SLC4A4: variants seen among roughly 807,000 people sequenced by gnomAD.
The protein encoded by SLC4A4 is electrogenic sodium bicarbonate cotransporter 1.
A neutral mutation model predicts 111.5 loss-of-function variants in SLC4A4; 27 were observed. The ratio of observed to expected loss-of-function variants is 0.24; its 90% CI spans 0.18 to 0.33. The LOEUF (loss-of-function observed/expected upper bound fraction) is 0.33, where lower values mean the gene tolerates loss of function less well. Ranked by LOEUF, SLC4A4 falls within the 10% of genes least tolerant of loss-of-function variation. The pLI is 1.00. For synonymous variants in SLC4A4, 443 were observed against 463.4 expected (o/e 0.96, Z 0.57); for missense variants, 909 against 1,315.5 (o/e 0.69, Z 4.78).
intron 1 of SLC4A4, among the ~76,000 whole-genome samples, chr4:71,233,048 G>C (rs373493265): frequency 6.6e-6 from 1 of 152,232 alleles, no homozygotes; most frequent in East Asian, 1.9e-4. Context: ...TCATTAAACT[G>C]TCATCCTTAT....
chr4:71,557,052 A>G (rs1314534864), intron 21 of SLC4A4, among the ~76,000 whole-genome samples: 2 of 151,916 alleles, frequency 1.3e-5, no homozygotes, highest in African/African-American at 4.8e-5. Flanking sequence ...ATAGCTGTTT[A>G]TACATCACCA....
At chr4:71,350,223 T>C in intron 5 of SLC4A4, 151 bp downstream of exon 5, 1 of 786,816 alleles carries the variant, frequency 1.3e-6, no homozygotes, top group Non-Finnish European at 2.0e-6. Context: ...TATGATTTAT[T>C]GCAAGAAAAT....
chr4:71,385,048 A>G (rs1662469869), intron 6 of SLC4A4, among the ~76,000 whole-genome samples: 1 of 151,366 alleles, frequency 6.6e-6, no homozygotes, highest in African/African-American at 2.4e-5. Context: ...TTTAAAAAGT[A>G]GAAAAGAAAA....
intron 7 of SLC4A4, among the ~76,000 whole-genome samples, chr4:71,416,677 T>C (rs1721851903): frequency 6.6e-6 from 1 of 151,962 alleles, no homozygotes; most frequent in Non-Finnish European, 1.5e-5. Context: ...AGATGATTGA[T>C]TTAAAACATT....
At chr4:71,546,674 A>C in intron 19 of SLC4A4, 146 bp downstream of exon 19, 1 of 748,308 alleles carries the variant, frequency 1.3e-6, no homozygotes, top group Non-Finnish European at 2.3e-6. Flanking sequence ...AAAGGACTAA[A>C]TTTTCATCAG....
chr4:71,456,946 A>G (rs1726325134), intron 12 of SLC4A4, among the ~76,000 whole-genome samples: 1 of 152,186 alleles, frequency 6.6e-6, no homozygotes, highest in African/African-American at 2.4e-5. Flanking sequence ...GGTTATTCAC[A>G]AAAGCACAGG....
chr4:71,402,162 C>T lies in SLC4A4; in HGVS notation c.807+4509C>T, dbSNP rs538489292. ...TTTAAATATTTTGTCAGAAAGTATG[C>T]GGATGAAACCATTAACCATGTATAA... On this transcript the variant is annotated intron_variant, in intron 7 of 25. Transcript: ENST00000264485. Among the ~76,000 whole-genome samples, 22 of 152,206 alleles carry T rather than the reference C, an allele frequency of 1.4e-4. No individual in the cohort carries two copies. The South Asian group carries it at 2.1e-3, about 14-fold the overall frequency.
At chr4:71,170,846 C>T (rs1199930686) in intron 2 of SLC4A4, among the ~76,000 whole-genome samples, 2 of 151,936 alleles carry the variant, frequency 1.3e-5, no homozygotes, top group Admixed American at 1.3e-4. Flanking sequence ...ATTGATTAGG[C>T]CAACATTTAA....
intron 3 of SLC4A4, among the ~76,000 whole-genome samples, chr4:71,264,519 C>G (rs958733482): frequency 2.0e-5 from 3 of 152,188 alleles, no homozygotes; most frequent in African/African-American, 7.2e-5. Context: ...TGTGGGCTGT[C>G]TAGCTAGCTG....
intron 16 of SLC4A4, among the ~76,000 whole-genome samples, chr4:71,499,378 T>C (rs1730701288): frequency 6.6e-6 from 1 of 152,210 alleles, no homozygotes; most frequent in Non-Finnish European, 1.5e-5. Flanking sequence ...CATATGTATA[T>C]GTTGTGGAAT....
rs185025230 is a variant in SLC4A4 at position 71,348,914 on chromosome 4, T to C, written c.390-998T>C. On this transcript the variant is annotated intron_variant, in intron 4 of 25. Coordinates refer to ENST00000264485, the MANE Select transcript of SLC4A4 (RefSeq NM_001098484.3). ...AATCATTAAGCCTTTGGGTGAAGAATGTAGAAAAACAATTTTTATTCCATC... is the reference window on the plus strand; with the variant it reads ...AATCATTAAGCCTTTGGGTGAAGAACGTAGAAAAACAATTTTTATTCCATC... 2.6e-5 allele frequency among the ~76,000 whole-genome samples: 4 copies of C among 152,320 alleles called. No homozygotes were observed. The East Asian group carries it at 7.7e-4, about 29-fold the overall frequency.
At chr4:71,107,392 G>T (rs186155100) in intron 2 of SLC4A4, among the ~76,000 whole-genome samples, 1 of 152,044 alleles carries the variant, frequency 6.6e-6, no homozygotes, top group African/African-American at 2.4e-5. Context: ...TGTCAACCAG[G>T]CTGGAGTGCA....
At chr4:71,309,765 T>C (rs1725988552) in intron 3 of SLC4A4, among the ~76,000 whole-genome samples, 1 of 152,074 alleles carries the variant, frequency 6.6e-6, no homozygotes, top group Non-Finnish European at 1.5e-5. Context: ...AAAACCAGAA[T>C]GCCTCTTCTC....
At chr4:71,314,568 C>A (rs1035521797) in intron 3 of SLC4A4, among the ~76,000 whole-genome samples, 4 of 152,166 alleles carry the variant, frequency 2.6e-5, no homozygotes, top group African/African-American at 9.7e-5. Context: ...ACATATACAG[C>A]ATGGAATACT....
intron 2 of SLC4A4, among the ~76,000 whole-genome samples, chr4:71,094,009 C>T (rs1008620342): frequency 2.0e-5 from 3 of 150,188 alleles, no homozygotes; most frequent in African/African-American, 2.5e-5. Flanking sequence ...AGATTATCAG[C>T]CAGACTGTTA....
chr4:71,356,358 G>A lies in SLC4A4; in HGVS notation c.551-650G>A, dbSNP rs893777567. ...AAAGTTTCATTAAAAATTTCAGTCA[G>A]TTTATACTTTAAAATGCCCAATGGA... On this transcript the variant is annotated intron_variant, in intron 5 of 25. Coordinates refer to ENST00000264485, the MANE Select transcript of SLC4A4 (RefSeq NM_001098484.3). 5.9e-5 allele frequency among the ~76,000 whole-genome samples: 9 copies of A among 152,180 alleles called. No individual in the cohort carries two copies. In the South Asian group the frequency reaches 1.5e-3, roughly 25 times the overall value.
intron 16 of SLC4A4, among the ~76,000 whole-genome samples, chr4:71,511,923 C>T (rs1366098436): frequency 5.9e-5 from 9 of 152,050 alleles, no homozygotes; most frequent in African/African-American, 9.7e-5. Context: ...CGGTTTTATC[C>T]ATGTTGCTGA....
chr4:71,096,486 C>T lies in SLC4A4; in HGVS notation c.-2+3694C>T, dbSNP rs113067153. ...AATTTTTCAGGACTGGGGCTTGCCT[C>T]GGGCACAAAATTTAAAAAGGTGCCA... On this transcript the variant is annotated intron_variant, in intron 2 of 26. Transcript: ENST00000649996. Among the ~76,000 whole-genome samples, 22 of 151,926 alleles carry T rather than the reference C, an allele frequency of 1.4e-4. 1 individual carries two copies. Among genetic ancestry groups the T allele is most frequent in the African/African-American group, 5.1e-4 (21 of 41,416 alleles).
intron 2 of SLC4A4, among the ~76,000 whole-genome samples, chr4:71,168,449 C>T (rs1744843525): frequency 6.6e-6 from 1 of 152,258 alleles, no homozygotes; most frequent in Admixed American, 6.5e-5. Context: ...TCCCAAAGTG[C>T]TGGGATTACA....
Sources: allele counts gnomAD v4.1 joint callset (sites outside exome capture counted in the v4.1 genomes callset), GRCh38; gene constraint gnomAD v4.1.1; transcripts MANE v1.5; gene names NCBI Gene and HGNC (gene_info 2026-07-23, HGNC 2026-07-21).